Variants in STX3 observed in about 807,000 individuals in gnomAD.
STX3 encodes the protein syntaxin 3, also known as syntaxin-3.
STX3 carries 19 observed loss-of-function variants against 40.2 expected under a neutral mutation model. That is an observed-to-expected ratio of 0.47 (90% confidence interval 0.33 to 0.69). The LOEUF (loss-of-function observed/expected upper bound fraction) is 0.69. STX3 is among the 30% of genes least tolerant of loss of function. The pLI is 0.02. For synonymous variants in STX3, 122 were observed against 132.2 expected (o/e 0.92, Z 0.53); for missense variants, 364 against 366.7 (o/e 0.99, Z 0.06).
At chr11:59,785,130 G>A (rs1354479925) in intron 2 of STX3, among the ~76,000 whole-genome samples, 1 of 152,166 alleles carries the variant, frequency 6.6e-6, no homozygotes, top group South Asian at 2.1e-4. Context: ...GTAGTTACCT[G>A]TATGTATGTT....
At chr11:59,791,466 G>A (rs1032635650) in intron 5 of STX3, among the ~76,000 whole-genome samples, 4 of 152,156 alleles carry the variant, frequency 2.6e-5, no homozygotes, top group African/African-American at 7.2e-5. Context: ...TTTACAAGTG[G>A]GAAAGAAGCA....
chr11:59,798,332 T>A (rs1247303356), intron 10 of STX3, among the ~76,000 whole-genome samples: 4 of 143,734 alleles, frequency 2.8e-5, no homozygotes, highest in African/African-American at 1.0e-4. Flanking sequence ...CTCAGCCTCC[T>A]GAGTAGCTGG....
At chr11:59,758,658 C>T (rs1490850826) in intron 1 of STX3, among the ~76,000 whole-genome samples, 1 of 152,206 alleles carries the variant, frequency 6.6e-6, no homozygotes, top group East Asian at 1.9e-4. Flanking sequence ...GCTCCCTCGA[C>T]AGCCTGCTTT....
intron 1 of STX3, among the ~76,000 whole-genome samples, chr11:59,772,872 A>C (rs1162243195): frequency 6.6e-6 from 1 of 152,084 alleles, no homozygotes; most frequent in East Asian, 1.9e-4. Flanking sequence ...CCTATGAAGC[A>C]GGTAGTGTTT....
chr11:59,762,142 C>CT (rs1350200093), intron 1 of STX3, among the ~76,000 whole-genome samples: 1 of 152,174 alleles, frequency 6.6e-6, no homozygotes, highest in African/African-American at 2.4e-5. Flanking sequence ...TGCTTAGTCT[C>CT]TTGTTTTTTG....
intron 1 of STX3, among the ~76,000 whole-genome samples, chr11:59,771,392 G>GCCCCCC (rs1863620232): frequency 2.0e-5 from 1 of 49,130 alleles, no homozygotes; most frequent in African/African-American, 1.0e-4. Context: ...TTTGCCCCCC[G>GCCCCCC]TCCCCCCACC....
chr11:59,776,204 A>G (rs1863955130), intron 2 of STX3, among the ~76,000 whole-genome samples: 1 of 152,172 alleles, frequency 6.6e-6, no homozygotes, highest in South Asian at 2.1e-4. Flanking sequence ...CCCACCTAAC[A>G]TGGTCTGAAT....
At chr11:59,778,478 C>A (rs1433637820) in intron 2 of STX3, among the ~76,000 whole-genome samples, 1 of 152,150 alleles carries the variant, frequency 6.6e-6, no homozygotes, top group Non-Finnish European at 1.5e-5. Context: ...TCAAACACAT[C>A]ATGATTCATC....
intron 1 of STX3, among the ~76,000 whole-genome samples, chr11:59,760,482 CT>C (rs1862973618): frequency 6.6e-6 from 1 of 151,088 alleles, no homozygotes; most frequent in African/African-American, 2.4e-5. Flanking sequence ...CTGTCCGTTG[CT>C]TTTTATAAGT....
intron 8 of STX3, 55 bp from the exon 9 acceptor site, chr11:59,795,317 G>A: frequency 3.5e-6 from 5 of 1,448,926 alleles, no homozygotes; most frequent in Non-Finnish European, 4.8e-6. Flanking sequence ...TCCCCGCATT[G>A]GCTAGGACTG....
rs554484130 is a variant in STX3 at position 59,805,711 on chromosome 11, C to T, written c.*4887C>T. The T allele has an allele frequency of 2.0e-5, 3 of 152,694 alleles. No individual in the cohort carries two copies. The highest frequency in any genetic ancestry group is 6.5e-5 in the Admixed American group (1 of 15,322). 9.5% of individuals were successfully genotyped at this position (152,694 alleles called of 1,614,324 possible). On this transcript the variant is annotated 3_prime_UTR_variant, in exon 11 of 11. Transcript: ENST00000337979. ...CACAAACATAGAGCCAAACACTCTCCCTCTTGGAGAATTTCAGACCCAGAA... is the reference window on the plus strand; with the variant it reads ...CACAAACATAGAGCCAAACACTCTCTCTCTTGGAGAATTTCAGACCCAGAA...
chr11:59,799,984 A>G (rs1865779646), intron 10 of STX3: 4 of 985,286 alleles, frequency 4.1e-6, no homozygotes, highest in Non-Finnish European at 4.8e-6. Flanking sequence ...GAAAGATGAT[A>G]TGCAAATTTG....
chr11:59,756,714 G>A (rs1305678364), intron 1 of STX3, among the ~76,000 whole-genome samples: 1 of 152,230 alleles, frequency 6.6e-6, no homozygotes, highest in Non-Finnish European at 1.5e-5. Flanking sequence ...GCTTACTGGT[G>A]ATCCCTTAAA....
intron 2 of STX3, among the ~76,000 whole-genome samples, chr11:59,776,244 T>C (rs970096234): frequency 6.6e-6 from 1 of 152,114 alleles, no homozygotes; most frequent in East Asian, 1.9e-4. Context: ...AGTGGTACAA[T>C]TTTGGAAAAG....
Position 59,802,843 on chromosome 11 carries a change from G to T in STX3, c.*2019G>T, listed in dbSNP as rs1865944464. On this transcript the variant is annotated 3_prime_UTR_variant, in exon 11 of 11. Coordinates refer to ENST00000337979, the MANE Select transcript of STX3 (RefSeq NM_004177.5). ...CAGATGGTTCAAAAGTGCAATTTTT[G>T]AACATGGTTTAACTCCCACAGAATG... 1.0e-6 allele frequency: 1 copy of T among 995,130 alleles called. No individual in the cohort carries two copies. The highest frequency in any genetic ancestry group is 1.0e-4 in the East Asian group (1 of 9,798). The allele number at this position is 995,130 out of a possible 1,614,324, so 61.6% of individuals were successfully genotyped here. A position where few individuals can be genotyped will look rare whatever the true frequency, so the allele number is the denominator to read the frequency against.
At chr11:59,761,689 G>A (rs1049827868) in intron 1 of STX3, among the ~76,000 whole-genome samples, 3 of 152,006 alleles carry the variant, frequency 2.0e-5, no homozygotes, top group Non-Finnish European at 4.4e-5. Flanking sequence ...CCATTTCCAT[G>A]GCAACTTTCC....
rs1463202522 is a variant in STX3, at chr11:59,793,608, G to A, written c.675+94G>A. 4 of 1,481,782 alleles carry A rather than the reference G, an allele frequency of 2.7e-6. No homozygotes were observed. The African/African-American group carries it at 5.6e-5, about 21-fold the overall frequency. 91.8% of individuals were successfully genotyped at this position (1,481,782 alleles called of 1,614,324 possible). ...GAAAGGGAATACTGGAAGCCAGTGA[G>A]GTAGGGTGGGAGAACCATTGGGAAT... On this transcript the variant is annotated intron_variant, in intron 8 of 10. Coordinates refer to ENST00000337979, the MANE Select transcript of STX3 (RefSeq NM_004177.5).
rs1358382284 is a variant in STX3 at position 59,802,183 on chromosome 11, A to G, written c.*1359A>G. 2 of 985,218 alleles carry G rather than the reference A, an allele frequency of 2.0e-6. No homozygotes were observed. The highest frequency in any genetic ancestry group is 3.5e-5 in the African/African-American group (2 of 57,166). 61.0% of individuals were successfully genotyped at this position (985,218 alleles called of 1,614,324 possible). A position where few individuals can be genotyped will look rare whatever the true frequency, so the allele number is the denominator to read the frequency against. On this transcript the variant is annotated 3_prime_UTR_variant, in exon 11 of 11. Transcript: ENST00000337979. ...AGGCTACACAGTAGCTCTTCCTGCT[A>G]CTCGGTTAATGAGCTTGGCAGGTTC... is the stretch of plus-strand genomic sequence containing the variant.
At chr11:59,760,032 G>A (rs1206055480) in intron 1 of STX3, among the ~76,000 whole-genome samples, 2 of 152,158 alleles carry the variant, frequency 1.3e-5, no homozygotes, top group African/African-American at 2.4e-5. Flanking sequence ...CTGTACCTGG[G>A]AGGATTCATT....
Sources: gnomAD v4.1 joint callset for allele counts (sites outside exome capture counted in the v4.1 genomes callset) on GRCh38, gnomAD v4.1.1 for gene constraint, MANE v1.5 for transcripts, NCBI Gene and HGNC (gene_info 2026-07-23, HGNC 2026-07-21) for gene names.